The following AP5B1 variants were observed in gnomAD, a reference collection of about 807,000 sequenced individuals.
AP5B1 encodes the protein AP-5 complex subunit beta-1.
AP5B1 carries 3 observed loss-of-function variants against 5.7 expected under a neutral mutation model. That is an observed-to-expected ratio of 0.53 (90% CI 0.24 to 1.36). AP5B1 has a LOEUF of 1.36. AP5B1 is among the 40% of genes most tolerant of loss of function. AP5B1 has a pLI of 0.17. For missense variants in AP5B1, 1,310 were observed against 1,143.2 expected (o/e 1.15, Z -2.10); for synonymous variants, 696 against 555.5 (o/e 1.25, Z -3.56).
rs1244174441 is a variant in AP5B1 at position 65,780,814 on chromosome 11, G to A, written c.-223C>T. On this transcript the variant is annotated 5_prime_UTR_variant, in exon 1 of 2. Coordinates refer to ENST00000532090, the MANE Select transcript of AP5B1 (RefSeq NM_138368.5). ...GCGGGACAGGACAGGAGCAGGGCGG[G>A]GGAGGGTGCGTGCCGAGAGCTCGTT... 1 of 379,648 alleles carries A rather than the reference G, an allele frequency of 2.6e-6. No homozygotes were observed. The highest frequency in any genetic ancestry group is 4.5e-6 in the Non-Finnish European group (1 of 219,912). 23.5% of individuals were successfully genotyped at this position (379,648 alleles called of 1,614,324 possible).
chr11:65,777,552 T>C lies in AP5B1; in HGVS notation c.*304A>G. The C allele has an allele frequency of 2.8e-6, 1 of 363,316 alleles. No individual in the cohort carries two copies. Among genetic ancestry groups the C allele is most frequent in the Non-Finnish European group, 5.0e-6 (1 of 199,000 alleles). The allele number at this position is 363,316 out of a possible 1,614,324, so 22.5% of individuals were successfully genotyped here. On this transcript the variant is annotated 3_prime_UTR_variant, in exon 2 of 2. Transcript: ENST00000532090. ...ACTCCTGTCACTCTGTCCTCTGTCATGGGAAGATGCAGAAGGGTCCTCACT... is the reference window on the plus strand; with the variant it reads ...ACTCCTGTCACTCTGTCCTCTGTCACGGGAAGATGCAGAAGGGTCCTCACT...
rs374074050 is a variant in AP5B1 at position 65,778,425 on chromosome 11, T to G, written c.2068A>C (p.Ile690Leu). ...CGGAAGCGCAGCTCCAGAGAGTAGA[T>G]GGGCTCCAGCGCCTCCGGCTGGAGC... ...LKLQPEALEP[I>L]YSLELRFRVE... The change falls in exon 2 of 2, where the codon ATC becomes CTC. Residue 690 changes from isoleucine (I) to leucine (L), a missense_variant. Ile to Leu is a conservative substitution (Grantham distance 5). Coordinates refer to ENST00000532090, the MANE Select transcript of AP5B1 (RefSeq NM_138368.5). 9 of 1,582,328 alleles carry G rather than the reference T, an allele frequency of 5.7e-6. No individual in the cohort carries two copies. Among genetic ancestry groups the G allele is most frequent in the Non-Finnish European group, 7.7e-6 (9 of 1,168,080 alleles).
chr11:65,780,692 C>T lies in AP5B1; in HGVS notation c.-101G>A. 1 of 1,211,196 alleles carries T rather than the reference C, an allele frequency of 8.3e-7. No individual in the cohort carries two copies. Among genetic ancestry groups the T allele is most frequent in the Non-Finnish European group, 1.0e-6 (1 of 959,078 alleles). 75.0% of individuals were successfully genotyped at this position (1,211,196 alleles called of 1,614,324 possible). A position where few individuals can be genotyped will look rare whatever the true frequency, so the allele number is the denominator to read the frequency against. ...CGACCCCGAGGGGCTGCGGTCACCC[C>T]CAGACGCCGCGCAGATGCCGGCGGG... On this transcript the variant is annotated 5_prime_UTR_variant, in exon 1 of 2. Coordinates refer to ENST00000532090, the MANE Select transcript of AP5B1 (RefSeq NM_138368.5).
rs1857814005 is a variant in AP5B1 at position 65,779,421 on chromosome 11, G to A, written c.1072C>T (p.Pro358Ser). ...AGATGGGTGGGCGGAGGCAGAGCAGGGTGCTGGGCAGCCAAGGTGAGCCGG... is the reference window on the plus strand; with the variant it reads ...AGATGGGTGGGCGGAGGCAGAGCAGAGTGCTGGGCAGCCAAGGTGAGCCGG... ...LRRLTLAAQH[P>S]ALPPPTHLFY... Residue 358 changes from proline (P) to serine (S), a missense_variant, in exon 2 of 2, where the codon CCT becomes TCT. Coordinates refer to ENST00000532090, the MANE Select transcript of AP5B1 (RefSeq NM_138368.5). 1 of 1,607,486 alleles carries A rather than the reference G, an allele frequency of 6.2e-7. No homozygotes were observed. Among genetic ancestry groups the A allele is most frequent in the Admixed American group, 1.7e-5 (1 of 59,226 alleles).
In AP5B1 at chr11:65,780,756, G is replaced by C; in HGVS notation, c.-165C>G. On this transcript the variant is annotated 5_prime_UTR_variant, in exon 1 of 2. Coordinates refer to ENST00000532090, the MANE Select transcript of AP5B1 (RefSeq NM_138368.5). ...TCCCACGGTGAGACCAGGGCTCTCGGGGCCGACGCCAGAGCTGGGCGCCGG... is the reference window on the plus strand; with the variant it reads ...TCCCACGGTGAGACCAGGGCTCTCGCGGCCGACGCCAGAGCTGGGCGCCGG... The C allele has an allele frequency of 1.5e-6, 1 of 671,004 alleles. No individual in the cohort carries two copies. The highest frequency in any genetic ancestry group is 4.8e-4 in the Middle Eastern group (1 of 2,086). The allele number at this position is 671,004 out of a possible 1,614,324, so 41.6% of individuals were successfully genotyped here. A position where few individuals can be genotyped will look rare whatever the true frequency, so the allele number is the denominator to read the frequency against.
rs1414699878 is a variant in AP5B1, at chr11:65,779,370, A to T, written c.1123T>A (p.Phe375Ile). 2 of 1,594,162 alleles carry T rather than the reference A, an allele frequency of 1.3e-6. No individual in the cohort carries two copies. Among genetic ancestry groups the T allele is most frequent in the Non-Finnish European group, 1.7e-6 (2 of 1,168,954 alleles). Residue 375 changes from phenylalanine (F) to isoleucine (I), a missense_variant, in exon 2 of 2, where the codon TTC becomes ATC. Physicochemically the swap from Phe to Ile is conservative, Grantham distance 21. Coordinates refer to ENST00000532090, the MANE Select transcript of AP5B1 (RefSeq NM_138368.5). ...HLFYLHCVLS[F>I]PENWPLGPEG... ...GGGCCCAGCGGCCAGTTCTCAGGGA[A>T]GCTCAGGACGCAGTGAAGGTAAAAG...
Position 65,779,563 on chromosome 11 carries a change from C to T in AP5B1, c.930G>A (p.Pro310=), listed in dbSNP as rs773826059. The change falls in exon 2 of 2, where the codon CCG becomes CCA. Residue 310 remains proline (P), a synonymous_variant. Transcript: ENST00000532090. The part of the protein sequence containing the change: ...LQGQPPALFK[P]QLVRLLGTAQ... ...CTGTGCCTAGCAGCCGTACCAGCTG[C>T]GGCTTGAAGAGTGCCGGTGGCTGTC... 5.6e-6 allele frequency: 9 copies of T among 1,607,276 alleles called. No individual in the cohort carries two copies. The South Asian group carries it at 9.9e-5, about 18-fold the overall frequency.
chr11:65,780,709 G>A lies in AP5B1; in HGVS notation c.-118C>T. On this transcript the variant is annotated 5_prime_UTR_variant, in exon 1 of 2. Coordinates refer to ENST00000532090, the MANE Select transcript of AP5B1 (RefSeq NM_138368.5). The stretch of plus-strand genomic sequence containing the variant: ...GGTCACCCCCAGACGCCGCGCAGAT[G>A]CCGGCGGGACCCGCGCCCGGCTCCC... 2 of 1,119,350 alleles carry A rather than the reference G, an allele frequency of 1.8e-6. No homozygotes were observed. Among genetic ancestry groups the A allele is most frequent in the Non-Finnish European group, 2.3e-6 (2 of 879,664 alleles). 69.3% of individuals were successfully genotyped at this position (1,119,350 alleles called of 1,614,324 possible). A position where few individuals can be genotyped will look rare whatever the true frequency, so the allele number is the denominator to read the frequency against.
chr11:65,779,325 G>T lies in AP5B1; in HGVS notation c.1168C>A (p.Pro390Thr). Residue 390 changes from proline to threonine, a missense_variant, in exon 2 of 2, where the codon CCA becomes ACA. Physicochemically the swap from Pro to Thr is conservative, Grantham distance 38 (BLOSUM62 -1). Coordinates refer to ENST00000532090, the MANE Select transcript of AP5B1 (RefSeq NM_138368.5). ...PLGPEGEEAA[P>T]LLLGPQLCRG... ...CATAGCTGGGGCCCTAGCAGCAGTG[G>T]GGCAGCCTCCTCACCTTCAGGGCCC... 6.3e-7 allele frequency: 1 copy of T among 1,597,982 alleles called. No individual in the cohort carries two copies. Among genetic ancestry groups the T allele is most frequent in the East Asian group, 2.2e-5 (1 of 44,702 alleles).
Position 65,779,782 on chromosome 11 carries a change from G to C in AP5B1, c.711C>G (p.Pro237=), listed in dbSNP as rs1857822484. The part of the protein sequence containing the change: ...LVEEGDGRLQ[P]QAPSWPAAEE... Reference sequence around the variant, plus strand: ...CAGCTGCCGGCCAGCTGGGTGCCTGGGGCTGAAGGCGTCCATCGCCCTCCT... The same window carrying C: ...CAGCTGCCGGCCAGCTGGGTGCCTGCGGCTGAAGGCGTCCATCGCCCTCCT... The change falls in exon 2 of 2, where the codon CCC becomes CCG. Residue 237 remains proline, a synonymous_variant. Transcript: ENST00000532090. The C allele has an allele frequency of 1.3e-6, 2 of 1,583,542 alleles. No homozygotes were observed. Among genetic ancestry groups the C allele is most frequent in the African/African-American group, 2.7e-5 (2 of 74,144 alleles).
rs1485877597 is a variant in AP5B1 at position 65,779,893 on chromosome 11, C to G, written c.600G>C (p.Gln200His). ...CCCCCAGGCCAGCCCCAACCCGGGA[C>G]TGGAGCACCAAGGTGTTGCGCAAAG... Reference protein sequence around the residue: ...ALALRNTLVLQSRVGAGLGGL... With the variant: ...ALALRNTLVLHSRVGAGLGGL... The change falls in exon 2 of 2, where the codon CAG becomes CAC. Residue 200 changes from glutamine to histidine, a missense_variant. Physicochemically the swap from Gln to His is conservative, Grantham distance 24 (BLOSUM62 0). Transcript: ENST00000532090. The G allele has an allele frequency of 1.9e-6, 3 of 1,594,534 alleles. No individual in the cohort carries two copies. The highest frequency in any genetic ancestry group is 2.6e-6 in the Non-Finnish European group (3 of 1,170,438).
At position 65,774,157 on chromosome 11, in the gene AP5B1, TTTAAG is replaced by T. The variant is rs1264492510; in HGVS notation, c.*3694_*3698del. 1.3e-5 allele frequency among the ~76,000 whole-genome samples: 2 copies of T among 152,220 alleles called. No homozygotes were observed. The highest frequency in any genetic ancestry group is 2.1e-4 in the South Asian group (1 of 4,836). On this transcript the variant is annotated 3_prime_UTR_variant, in exon 2 of 2. Coordinates refer to ENST00000532090, the MANE Select transcript of AP5B1 (RefSeq NM_138368.5). Reference sequence around the variant, plus strand: ...CCAACCCATCAGGGCCAGGAATTGTTTTAAGTTTTTTCTGAGATTCCCTCGGCCAC... The same window carrying T: ...CCAACCCATCAGGGCCAGGAATTGTTTTTTTTCTGAGATTCCCTCGGCCAC...
In AP5B1 at chr11:65,778,422, A is replaced by T. The variant is rs1857794790; in HGVS notation, c.2071T>A (p.Tyr691Asn). The change falls in exon 2 of 2, where the codon TAC becomes AAC. Residue 691 changes from tyrosine to asparagine, a missense_variant. Coordinates refer to ENST00000532090, the MANE Select transcript of AP5B1 (RefSeq NM_138368.5). ...KLQPEALEPI[Y>N]SLELRFRVEG... The stretch of plus-strand genomic sequence containing the variant: ...ACACGGAAGCGCAGCTCCAGAGAGT[A>T]GATGGGCTCCAGCGCCTCCGGCTGG... 1.9e-6 allele frequency: 3 copies of T among 1,584,306 alleles called. No homozygotes were observed. Among genetic ancestry groups the T allele is most frequent in the African/African-American group, 2.7e-5 (2 of 74,384 alleles).
Position 65,778,275 on chromosome 11 carries a change from C to T in AP5B1, c.2218G>A (p.Val740Ile), listed in dbSNP as rs772828750. 43 of 1,613,218 alleles carry T rather than the reference C, an allele frequency of 2.7e-5. No individual in the cohort carries two copies. The highest frequency in any genetic ancestry group is 1.6e-4 in the Middle Eastern group (1 of 6,062). ...GTGGATGTGGTGTAAAGGGCATGGA[C>T]ATCCAGCCGTGCGGGGGCCGGGCAT... ...PRCPAPARLD[V>I]HALYTTSTGL... Residue 740 changes from valine to isoleucine, a missense_variant, in exon 2 of 2, where the codon GTC (valine) becomes ATC (isoleucine). By Grantham distance (29) the Val-to-Ile change is conservative. Coordinates refer to ENST00000532090, the MANE Select transcript of AP5B1 (RefSeq NM_138368.5).
Position 65,779,354 on chromosome 11 carries a change from G to A in AP5B1, c.1139C>T (p.Pro380Leu), listed in dbSNP as rs753492805. 3.1e-6 allele frequency: 5 copies of A among 1,593,750 alleles called. No individual in the cohort carries two copies. The highest frequency in any genetic ancestry group is 1.7e-5 in the Admixed American group (1 of 58,256). The part of the protein sequence containing the change: ...HCVLSFPENW[P>L]LGPEGEEAAP... ...AGCCTCCTCACCTTCAGGGCCCAGC[G>A]GCCAGTTCTCAGGGAAGCTCAGGAC... is the stretch of plus-strand genomic sequence containing the variant. Residue 380 changes from proline to leucine, a missense_variant, in exon 2 of 2, where the codon CCG becomes CTG. Pro to Leu is a moderately conservative substitution (Grantham distance 98). Coordinates refer to ENST00000532090, the MANE Select transcript of AP5B1 (RefSeq NM_138368.5).
In AP5B1 at chr11:65,779,376, G is replaced by A. The variant is rs376497679; in HGVS notation, c.1117C>T (p.Leu373=). ...PTHLFYLHCV[L]SFPENWPLGP... ...AGCGGCCAGTTCTCAGGGAAGCTCA[G>A]GACGCAGTGAAGGTAAAAGAGATGG... Residue 373 remains leucine (L), a synonymous_variant, in exon 2 of 2, where the codon CTG becomes TTG. Coordinates refer to ENST00000532090, the MANE Select transcript of AP5B1 (RefSeq NM_138368.5). 2.5e-6 allele frequency: 4 copies of A among 1,598,130 alleles called. No homozygotes were observed. In the African/African-American group the frequency reaches 4.0e-5, roughly 16 times the overall value.
At position 65,779,059 on chromosome 11, in the gene AP5B1, C is replaced by T; in HGVS notation, c.1434G>A (p.Gly478=). 1 of 1,606,356 alleles carries T rather than the reference C, an allele frequency of 6.2e-7. No homozygotes were observed. The highest frequency in any genetic ancestry group is 1.3e-5 in the African/African-American group (1 of 74,970). ...ASYLVACCLA[G]QPTVLTPLIH... is the part of the protein sequence containing the mutation. ...TCAAGGGGGTCAGCACCGTAGGTTG[C>T]CCAGCCAGGCAGCAGGCCACCAGAT... Residue 478 remains glycine (G), a synonymous_variant, in exon 2 of 2, where the codon GGG becomes GGA. Coordinates refer to ENST00000532090, the MANE Select transcript of AP5B1 (RefSeq NM_138368.5).
Position 65,778,488 on chromosome 11 carries a change from C to T in AP5B1, c.2005G>A (p.Gly669Arg). 5 of 1,572,716 alleles carry T rather than the reference C, an allele frequency of 3.2e-6. No homozygotes were observed. Among genetic ancestry groups the T allele is most frequent in the African/African-American group, 1.3e-5 (1 of 74,202 alleles). ...EAPALVRLSL[G>R]SHRVKGPLPV... ...AGTGGGCCCTTGACCCGATGGGACCCCAGGCTCAGCCGTACCAGGGCCGGT... is the reference window on the plus strand; with the variant it reads ...AGTGGGCCCTTGACCCGATGGGACCTCAGGCTCAGCCGTACCAGGGCCGGT... The change falls in exon 2 of 2, where the codon GGG (glycine) becomes AGG (arginine). Residue 669 changes from glycine to arginine, a missense_variant. By Grantham distance (125) the Gly-to-Arg change is moderately radical. Transcript: ENST00000532090.
rs908066007 is a variant in AP5B1 at position 65,776,088 on chromosome 11, G to C, written c.*1768C>G. On this transcript the variant is annotated 3_prime_UTR_variant, in exon 2 of 2. Transcript: ENST00000532090. ...GTATTTTTATTAGACACAGGGTTTC[G>C]CCATGCTGGCCAGGCTGATCTCAAA... is the stretch of plus-strand genomic sequence containing the variant. The C allele has an allele frequency of 6.6e-6, 1 of 151,782 alleles. No homozygotes were observed. The highest frequency in any genetic ancestry group is 2.4e-5 in the African/African-American group (1 of 41,300). 9.4% of individuals were successfully genotyped at this position (151,782 alleles called of 1,614,324 possible).
Sources: gnomAD v4.1 joint callset for allele counts (sites outside exome capture counted in the v4.1 genomes callset) on GRCh38, gnomAD v4.1.1 for gene constraint, MANE v1.5 for transcripts, NCBI Gene and HGNC (gene_info 2026-07-23, HGNC 2026-07-21) for gene names.